Variants in UNC13C observed in about 807,000 individuals in gnomAD.
UNC13C encodes the protein unc-13 homolog C.
In UNC13C, 174 loss-of-function variants were observed where a neutral mutation model predicts 245.4. The observed-to-expected ratio is 0.71, with a 90% CI of 0.63 to 0.80. The LOEUF (loss-of-function observed/expected upper bound fraction) is 0.80. UNC13C is among the 30% of genes least tolerant of loss of function. The pLI, the probability that UNC13C is intolerant of heterozygous loss-of-function variation, is 0.00. For missense variants in UNC13C, 2,829 were observed against 2,602.9 expected (o/e 1.09, Z -1.89); for synonymous variants, 992 against 895.1 (o/e 1.11, Z -1.93).
rs1901197713 is a variant in UNC13C, at chr15:54,626,897, C to T, written c.6429C>T (p.Ala2143=). The T allele has an allele frequency of 1.9e-6, 3 of 1,613,278 alleles. No individual in the cohort carries two copies. The highest frequency in any genetic ancestry group is 2.5e-6 in the Non-Finnish European group (3 of 1,179,536). ...TCTCAGTTAAGGATTACTGCTTTGC[C>T]AGAGAAGATCGAATTATCGGAATGA... The part of the protein sequence containing the change: ...LHLSVKDYCF[A]REDRIIGMTV... The change falls in exon 33 of 33, where the codon GCC becomes GCT. Residue 2143 remains alanine, a synonymous_variant. Coordinates refer to ENST00000260323, the MANE Select transcript of UNC13C (RefSeq NM_001080534.3).
chr15:54,093,604 G>T (rs1899688347), intron 2 of UNC13C, among the ~76,000 whole-genome samples: 1 of 152,162 alleles, frequency 6.6e-6, no homozygotes, highest in African/African-American at 2.4e-5. Flanking sequence ...ATGCACGTGG[G>T]TGCTGCAATG....
At chr15:54,620,175 A>C (rs776601936) in intron 30 of UNC13C, among the ~76,000 whole-genome samples, 41 of 152,288 alleles carry the variant, frequency 2.7e-4, no homozygotes, top group Non-Finnish European at 4.3e-4. Context: ...GAGGTTTCAG[A>C]AAAGTGTTCA....
At chr15:54,099,470 T>C (rs559411443) in intron 2 of UNC13C, among the ~76,000 whole-genome samples, 2 of 152,276 alleles carry the variant, frequency 1.3e-5, no homozygotes, top group Admixed American at 6.5e-5. Context: ...ATTTCTTCAA[T>C]ACATTTGCTT....
At chr15:54,212,390 G>A (rs933566782) in intron 4 of UNC13C, among the ~76,000 whole-genome samples, 4 of 152,094 alleles carry the variant, frequency 2.6e-5, no homozygotes, top group African/African-American at 7.2e-5. Flanking sequence ...CTACTGTTCA[G>A]ATGATTCTTA....
At chr15:53,981,227 G>A (rs535697847) in intron 1 of UNC13C, among the ~76,000 whole-genome samples, 7 of 152,164 alleles carry the variant, frequency 4.6e-5, no homozygotes, top group Non-Finnish European at 7.4e-5. Flanking sequence ...CCACCTGTAC[G>A]TTGTCTTCCA....
rs1460702603 is a variant in UNC13C at position 54,553,491 on chromosome 15, C to T, written c.5878-1941C>T. The stretch of plus-strand genomic sequence containing the variant: ...CAGAAAACATTTATAATGTGTATTA[C>T]ATATAATATATATTAAATATATGCT... On this transcript the variant is annotated intron_variant, in intron 28 of 32. Transcript: ENST00000260323. Among the ~76,000 whole-genome samples, 3 of 134,270 alleles carry T rather than the reference C, an allele frequency of 2.2e-5. No homozygotes were observed. The East Asian group carries it at 6.3e-4, about 28-fold the overall frequency. The allele number at this position is 134,270 out of a possible 152,430, so 88.1% of individuals were successfully genotyped here.
chr15:53,969,712 G>A, the UNC13C span, among the ~76,000 whole-genome samples: 2 of 147,330 alleles, frequency 1.4e-5, no homozygotes, highest in Non-Finnish European at 3.0e-5. Context: ...AAAATCGAAC[G>A]AACAAACAAA....
At chr15:54,160,082 T>C (rs1348362600) in intron 4 of UNC13C, among the ~76,000 whole-genome samples, 1 of 152,032 alleles carries the variant, frequency 6.6e-6, no homozygotes, top group Admixed American at 6.5e-5. Flanking sequence ...CACGGAAAAC[T>C]AGACAATTGG....
intron 29 of UNC13C, among the ~76,000 whole-genome samples, chr15:54,557,125 G>A (rs1024142188): frequency 6.6e-6 from 1 of 151,954 alleles, no homozygotes; most frequent in East Asian, 1.9e-4. Context: ...CACCGGCCTT[G>A]TTCTTTGTGG....
chr15:54,588,381 T>C (rs1898597565), intron 30 of UNC13C, among the ~76,000 whole-genome samples: 1 of 152,240 alleles, frequency 6.6e-6, no homozygotes, highest in Non-Finnish European at 1.5e-5. Context: ...TCTCATTCCC[T>C]CATCTGTAAA....
intron 2 of UNC13C, among the ~76,000 whole-genome samples, chr15:54,075,360 C>A (rs1898543162): frequency 1.3e-5 from 2 of 151,932 alleles, no homozygotes; most frequent in South Asian, 4.2e-4. Flanking sequence ...CGGCAGGTGC[C>A]TGTAGTTCCA....
chr15:54,260,796 T>A (rs1275747127), intron 8 of UNC13C, among the ~76,000 whole-genome samples: 1 of 150,348 alleles, frequency 6.7e-6, no homozygotes, highest in Non-Finnish European at 1.5e-5. Flanking sequence ...TATTTTTAGA[T>A]TATATCTATA....
intron 2 of UNC13C, among the ~76,000 whole-genome samples, chr15:54,105,495 T>C (rs892121758): frequency 6.6e-6 from 1 of 152,210 alleles, no homozygotes; most frequent in Non-Finnish European, 1.5e-5. Flanking sequence ...TTTATTATTA[T>C]CCTTTGTGTA....
At chr15:54,542,340 T>G (rs974869369) in intron 26 of UNC13C, among the ~76,000 whole-genome samples, 3 of 152,132 alleles carry the variant, frequency 2.0e-5, no homozygotes, top group African/African-American at 7.2e-5. Flanking sequence ...GAGTTCTAAT[T>G]TGATTGCACT....
chr15:54,363,378 G>A (rs2140869457), intron 17 of UNC13C, among the ~76,000 whole-genome samples: 1 of 152,282 alleles, frequency 6.6e-6, no homozygotes, highest in East Asian at 1.9e-4. Context: ...CAAAGTGCTG[G>A]GACTACAGGT....
chr15:54,153,244 G>C (rs1330932040), intron 4 of UNC13C, among the ~76,000 whole-genome samples: 1 of 151,900 alleles, frequency 6.6e-6, no homozygotes, highest in Non-Finnish European at 1.5e-5. Context: ...TTAACATTTA[G>C]AAAGAATATA....
chr15:53,952,940 A>G, the UNC13C span, among the ~76,000 whole-genome samples: 2 of 152,216 alleles, frequency 1.3e-5, no homozygotes, highest in African/African-American at 4.8e-5. Context: ...TTGGGGATGA[A>G]CACAGCAAAA....
At chr15:54,547,773 T>C (rs1232882345) in intron 27 of UNC13C, among the ~76,000 whole-genome samples, 1 of 152,040 alleles carries the variant, frequency 6.6e-6, no homozygotes, top group African/African-American at 2.4e-5. Flanking sequence ...ATAGCCTACA[T>C]ATATATAGGT....
At chr15:54,197,678 G>A (rs941953420) in intron 4 of UNC13C, among the ~76,000 whole-genome samples, 2 of 152,014 alleles carry the variant, frequency 1.3e-5, no homozygotes, top group Non-Finnish European at 2.9e-5. Context: ...AGCATCTGGG[G>A]GACATCAGAT....
Sources: allele counts gnomAD v4.1 joint callset (sites outside exome capture counted in the v4.1 genomes callset), GRCh38; gene constraint gnomAD v4.1.1; transcripts MANE v1.5; gene names NCBI Gene and HGNC (gene_info 2026-07-23, HGNC 2026-07-21).